PCDHGB3: variants seen among roughly 807,000 people sequenced by gnomAD.
The protein encoded by PCDHGB3 is protocadherin gamma subfamily B, 3.
Under a neutral mutation model 59.2 loss-of-function variants are expected in PCDHGB3, and 40 were observed. The ratio of observed to expected loss-of-function variants is 0.68; its 90% CI spans 0.52 to 0.88. The LOEUF is 0.88. Among genes scored for constraint, PCDHGB3 ranks in the 40% least tolerant of loss-of-function variants. The pLI is 0.00. For missense variants in PCDHGB3, 1,309 were observed against 1,187.9 expected (o/e 1.10, Z -1.50); for synonymous variants, 581 against 503.6 (o/e 1.15, Z -2.06).
At chr5:141,500,045 T>C (rs2099796072) in intron 2 of PCDHGB3, among the ~76,000 whole-genome samples, 1 of 152,062 alleles carries the variant, frequency 6.6e-6, no homozygotes, top group South Asian at 2.1e-4. Flanking sequence ...CTTAAGTATC[T>C]TAATGCTCTT....
intron 1 of PCDHGB3, among the ~76,000 whole-genome samples, chr5:141,480,272 G>A (rs903112862): frequency 7.2e-6 from 1 of 138,796 alleles, no homozygotes; most frequent in African/African-American, 3.0e-5. Flanking sequence ...TTCATTAGCT[G>A]GGTGTGTTGG....
chr5:141,474,654 T>C (rs2099352669), intron 1 of PCDHGB3, among the ~76,000 whole-genome samples: 1 of 152,250 alleles, frequency 6.6e-6, no homozygotes, highest in African/African-American at 2.4e-5. Context: ...CTTACTTCTT[T>C]TCTACCTACC....
At chr5:141,495,175 C>T (rs1337353259) in intron 2 of PCDHGB3, among the ~76,000 whole-genome samples, 1 of 152,182 alleles carries the variant, frequency 6.6e-6, no homozygotes, top group Admixed American at 6.5e-5. Context: ...TGGGTGAAAG[C>T]GAGGCTTTCT....
intron 1 of PCDHGB3, among the ~76,000 whole-genome samples, chr5:141,453,490 G>A (rs921556476): frequency 6.6e-6 from 1 of 151,922 alleles, no homozygotes; most frequent in Admixed American, 6.6e-5. Flanking sequence ...TTAAAAAAAG[G>A]TGTACTCAGA....
In PCDHGB3 at chr5:141,384,503, A is replaced by T. The variant is rs761415530; in HGVS notation, c.2415+11694A>T. On this transcript the variant is annotated intron_variant, in intron 1 of 3. Coordinates refer to ENST00000576222, the MANE Select transcript of PCDHGB3 (RefSeq NM_018924.5). ...GAACTACAACTAAGAGTGACTGCACATGACAGCGGGGACCCGCCTCTCAGC... is the reference window on the plus strand; with the variant it reads ...GAACTACAACTAAGAGTGACTGCACTTGACAGCGGGGACCCGCCTCTCAGC... 155 of 1,614,074 alleles carry T rather than the reference A, an allele frequency of 9.6e-5. No individual in the cohort carries two copies. Among genetic ancestry groups the T allele is most frequent in the Non-Finnish European group, 1.3e-4 (153 of 1,180,026 alleles).
Position 141,432,108 on chromosome 5 carries a change from C to T in PCDHGB3, c.2415+59299C>T, listed in dbSNP as rs1432933024. The T allele has an allele frequency of 1.9e-6, 3 of 1,614,180 alleles. No homozygotes were observed. The highest frequency in any genetic ancestry group is 1.7e-5 in the Admixed American group (1 of 60,020). Reference sequence around the variant, plus strand: ...GTGGCAGACACCAACGACAACCCGCCGGTCTTCCCTCAGGCCTCCTATTCC... The same window carrying T: ...GTGGCAGACACCAACGACAACCCGCTGGTCTTCCCTCAGGCCTCCTATTCC... On this transcript the variant is annotated intron_variant, in intron 1 of 3. Coordinates refer to ENST00000576222, the MANE Select transcript of PCDHGB3 (RefSeq NM_018924.5). The surrounding 1 kb of genome is among the most constrained non-coding windows in gnomAD (Gnocchi z 6.0).
At chr5:141,410,995 T>A in intron 1 of PCDHGB3, 1 of 174,388 alleles carries the variant, frequency 5.7e-6, no homozygotes, top group South Asian at 1.4e-4. Flanking sequence ...CTGGGATTAC[T>A]GGTGCCCCTC....
chr5:141,476,023 G>T lies in PCDHGB3; in HGVS notation c.2416-18784G>T. On this transcript the variant is annotated intron_variant, in intron 1 of 3. Coordinates refer to ENST00000576222, the MANE Select transcript of PCDHGB3 (RefSeq NM_018924.5). The surrounding 1 kb of genome is among the most constrained non-coding windows in gnomAD (Gnocchi z 7.6). Reference sequence around the variant, plus strand: ...CATCCAGAAAGCCATGTCGGACTCGGCGCCCAGCGCCCAAGCGCTAACCCG... The same window carrying T: ...CATCCAGAAAGCCATGTCGGACTCGTCGCCCAGCGCCCAAGCGCTAACCCG... The T allele has an allele frequency of 7.1e-7, 1 of 1,415,690 alleles. No individual in the cohort carries two copies. Among genetic ancestry groups the T allele is most frequent in the Non-Finnish European group, 9.5e-7 (1 of 1,057,324 alleles). 87.7% of individuals were successfully genotyped at this position (1,415,690 alleles called of 1,614,324 possible).
intron 1 of PCDHGB3, among the ~76,000 whole-genome samples, chr5:141,458,890 C>A (rs369529373): frequency 2.0e-5 from 3 of 152,042 alleles, no homozygotes; most frequent in African/African-American, 7.2e-5. Flanking sequence ...GCACACCATG[C>A]GCAGCTAATT....
intron 1 of PCDHGB3, chr5:141,383,173 C>A (rs1481900327): frequency 1.2e-6 from 2 of 1,614,064 alleles, no homozygotes; most frequent in South Asian, 1.1e-5. Context: ...CAGGATAGAC[C>A]GGGAAGAGAT....
chr5:141,485,511 C>G lies in PCDHGB3; in HGVS notation c.2416-9296C>G, dbSNP rs1168331122. The G allele has an allele frequency of 1.2e-6, 2 of 1,614,042 alleles. No individual in the cohort carries two copies. Among genetic ancestry groups the G allele is most frequent in the Non-Finnish European group, 1.7e-6 (2 of 1,180,038 alleles). On this transcript the variant is annotated intron_variant, in intron 1 of 3. Transcript: ENST00000576222. The surrounding 1 kb of genome is among the most constrained non-coding windows in gnomAD (Gnocchi z 5.7). Reference sequence around the variant, plus strand: ...CCCCTGGAGTTTGTCACCGAAGGTCCTTTGGAAATGTACCGAGCAGAGGTA... The same window carrying G: ...CCCCTGGAGTTTGTCACCGAAGGTCGTTTGGAAATGTACCGAGCAGAGGTA...
chr5:141,413,747 A>G (rs1208637349), intron 1 of PCDHGB3: 7 of 1,613,230 alleles, frequency 4.3e-6, no homozygotes, highest in African/African-American at 4.0e-5. Flanking sequence ...AGCCGTGCCA[A>G]TGGCGTCAAG....
chr5:141,499,408 G>C (rs1178843162), intron 2 of PCDHGB3, among the ~76,000 whole-genome samples: 1 of 151,896 alleles, frequency 6.6e-6, no homozygotes, highest in Non-Finnish European at 1.5e-5. Context: ...GCTCATTATA[G>C]AAACATGAAA....
intron 1 of PCDHGB3, chr5:141,405,168 A>G: frequency 1.2e-6 from 2 of 1,613,960 alleles, no homozygotes. Flanking sequence ...CCCACCTCAC[A>G]CTTTGTGGGT....
chr5:141,427,405 C>T (rs1209638263), intron 1 of PCDHGB3: 1 of 462,180 alleles, frequency 2.2e-6, no homozygotes, highest in East Asian at 6.8e-5. Context: ...GATAAAGATT[C>T]GAGAGAAAAT....
At chr5:141,481,779 C>T (rs1367771159) in intron 1 of PCDHGB3, among the ~76,000 whole-genome samples, 2 of 152,092 alleles carry the variant, frequency 1.3e-5, no homozygotes, top group Non-Finnish European at 2.9e-5. Flanking sequence ...TGGTGAAACC[C>T]CGTCTCTACT....
At chr5:141,502,406 T>G (rs1390520101) in intron 2 of PCDHGB3, among the ~76,000 whole-genome samples, 1 of 152,072 alleles carries the variant, frequency 6.6e-6, no homozygotes, top group African/African-American at 2.4e-5. Context: ...TCCCCGAACC[T>G]GGATTTGCTG....
At chr5:141,404,408 A>C (rs2154535328) in intron 1 of PCDHGB3, 1 of 1,613,900 alleles carries the variant, frequency 6.2e-7, no homozygotes, top group East Asian at 2.2e-5. Flanking sequence ...TGAGAATTCT[A>C]GAGTTATTTA....
chr5:141,410,380 C>T, intron 1 of PCDHGB3: 1 of 1,614,072 alleles, frequency 6.2e-7, no homozygotes, highest in Non-Finnish European at 8.5e-7. Flanking sequence ...CTTGGGACTG[C>T]TTCCATCCTG....
Sources: allele counts gnomAD v4.1 joint callset (sites outside exome capture counted in the v4.1 genomes callset), GRCh38; gene constraint gnomAD v4.1.1; non-coding constraint Gnocchi (gnomAD v3.1); transcripts MANE v1.5; gene names NCBI Gene and HGNC (gene_info 2026-07-23, HGNC 2026-07-21).